TJP2: variants seen among roughly 807,000 people sequenced by gnomAD.
TJP2 encodes tight junction protein 2.
In TJP2, 91 loss-of-function variants were observed where a neutral mutation model predicts 133.1. The ratio of observed to expected loss-of-function variants is 0.68; its 90% CI spans 0.58 to 0.81. The LOEUF (loss-of-function observed/expected upper bound fraction) is 0.81, where lower values mean the gene tolerates loss of function less well. TJP2 is among the 40% of genes least tolerant of loss of function. The pLI is 0.00. For synonymous variants in TJP2, 592 were observed against 583.4 expected (o/e 1.01, Z -0.21); for missense variants, 1,541 against 1,565.6 (o/e 0.98, Z 0.26).
intron 2 of TJP2, among the ~76,000 whole-genome samples, chr9:69,155,179 A>G (rs565334115): frequency 8.9e-4 from 123 of 138,750 alleles, no homozygotes; most frequent in Non-Finnish European, 1.6e-3. Flanking sequence ...AGATCGTGCC[A>G]CTTCACTCCA....
intron 1 of TJP2, among the ~76,000 whole-genome samples, chr9:69,133,521 A>G (rs1311033598): frequency 1.4e-5 from 2 of 145,420 alleles, no homozygotes; most frequent in Non-Finnish European, 3.0e-5. Context: ...TGGTCTAAGA[A>G]TGCTTTCCTG....
chr9:69,158,827 T>C (rs902229925), intron 2 of TJP2, among the ~76,000 whole-genome samples: 3 of 152,122 alleles, frequency 2.0e-5, no homozygotes, highest in Middle Eastern at 3.2e-3. Context: ...CTGGCTGGAA[T>C]GGGGGGGTTC....
chr9:69,230,570 G>GTGTTCCC (rs1829697343), intron 11 of TJP2, among the ~76,000 whole-genome samples: 1 of 152,168 alleles, frequency 6.6e-6, no homozygotes, highest in Non-Finnish European at 1.5e-5. Flanking sequence ...TTTTTTCACT[G>GTGTTCCC]TGTTCCCCCT....
intron 1 of TJP2, among the ~76,000 whole-genome samples, chr9:69,175,660 G>T (rs997534352): frequency 1.3e-5 from 2 of 152,196 alleles, no homozygotes; most frequent in Non-Finnish European, 2.9e-5. Context: ...ACACAGTCCC[G>T]TTGGGAAAGC....
chr9:69,221,100 A>C lies in TJP2; in HGVS notation c.556A>C (p.Ser186Arg). 6.3e-7 allele frequency: 1 copy of C among 1,583,660 alleles called. No individual in the cohort carries two copies. Among genetic ancestry groups the C allele is most frequent in the Non-Finnish European group, 8.6e-7 (1 of 1,165,488 alleles). The change falls in exon 5 of 23, where the codon AGC becomes CGC. Residue 186 changes from serine to arginine, a missense_variant. Ser to Arg is a moderately radical substitution (Grantham distance 110). Transcript: ENST00000377245. ...GGGGCGTCCCCATGAGCGGGCCCGGAGCCGGGAGCGGGACCTCAGCCGGGA... is the reference window on the plus strand; with the variant it reads ...GGGGCGTCCCCATGAGCGGGCCCGGCGCCGGGAGCGGGACCTCAGCCGGGA... ...ERGRPHERARSRERDLSRDRS... is the reference protein window; with the variant it reads ...ERGRPHERARRRERDLSRDRS...
chr9:69,148,049 C>T (rs938041892), intron 1 of TJP2, among the ~76,000 whole-genome samples: 1 of 151,694 alleles, frequency 6.6e-6, no homozygotes, highest in African/African-American at 2.4e-5. Flanking sequence ...CTCAGCCTCC[C>T]GAGTAGCTTG....
rs898114161 is a variant in TJP2 at position 69,231,469 on chromosome 9, T to C, written c.1671+1237T>C. ...GTTCATATATATGAGGTTTTTTTTT[T>C]CTTGTTAATGTTAGTAAAAAATCCA... On this transcript the variant is annotated intron_variant, in intron 11 of 22. Transcript: ENST00000377245. Among the ~76,000 whole-genome samples the C allele has an allele frequency of 9.9e-5, 15 of 151,900 alleles. 1 individual carries two copies. Among genetic ancestry groups the C allele is most frequent in the Non-Finnish European group, 1.5e-5 (1 of 67,964 alleles).
chr9:69,206,498 ATCCT>A (rs1827419407), intron 1 of TJP2, among the ~76,000 whole-genome samples: 1 of 152,086 alleles, frequency 6.6e-6, no homozygotes, highest in Non-Finnish European at 1.5e-5. Flanking sequence ...TGGGTATTAG[ATCCT>A]TCACCAGGAG....
chr9:69,142,153 T>C (rs1250305178), intron 1 of TJP2, among the ~76,000 whole-genome samples: 1 of 152,220 alleles, frequency 6.6e-6, no homozygotes, highest in East Asian at 1.9e-4. Flanking sequence ...AGGGGCACTG[T>C]AGCTGGCGCT....
chr9:69,218,294 A>C lies in TJP2; in HGVS notation c.277A>C (p.Met93Leu). 6.2e-7 allele frequency: 1 copy of C among 1,614,204 alleles called. No homozygotes were observed. Among genetic ancestry groups the C allele is most frequent in the Admixed American group, 1.7e-5 (1 of 60,024 alleles). ...AGTGGTCATGGTCAATGGCACCCCC[A>C]TGGAGGATGTGCTTCATTCGTTTGC... ...DRVVMVNGTP[M>L]EDVLHSFAVQ... is the part of the protein sequence containing the mutation. Residue 93 changes from methionine to leucine, a missense_variant, in exon 4 of 23, where the codon ATG (methionine) becomes CTG (leucine). By Grantham distance (15) the Met-to-Leu change is conservative (BLOSUM62 2). Transcript: ENST00000377245.
chr9:69,163,020 A>ATTTTTTTTT (rs201502981), intron 2 of TJP2, among the ~76,000 whole-genome samples: 1 of 86,014 alleles, frequency 1.2e-5, no homozygotes, highest in African/African-American at 4.3e-5. Flanking sequence ...AAGTATCTTT[A>ATTTTTTTTT]TTTTATTTTA....
intron 2 of TJP2, among the ~76,000 whole-genome samples, chr9:69,154,317 C>T (rs978420323): frequency 2.6e-5 from 4 of 152,118 alleles, no homozygotes; most frequent in African/African-American, 2.4e-5. Flanking sequence ...ATGTTGTGAT[C>T]GATTGGCAAT....
intron 17 of TJP2, among the ~76,000 whole-genome samples, chr9:69,240,477 C>G (rs1478106822): frequency 6.6e-6 from 1 of 152,208 alleles, no homozygotes; most frequent in Non-Finnish European, 1.5e-5. Context: ...TGTCATTGTT[C>G]TCTACTCACC....
At chr9:69,132,465 G>T (rs1822538276) in intron 1 of TJP2, among the ~76,000 whole-genome samples, 1 of 152,186 alleles carries the variant, frequency 6.6e-6, no homozygotes, top group African/African-American at 2.4e-5. Flanking sequence ...TGCAGCCTCG[G>T]GGCCTGGTGC....
intron 1 of TJP2, among the ~76,000 whole-genome samples, chr9:69,198,548 C>G (rs541247628): frequency 1.3e-5 from 2 of 152,322 alleles, no homozygotes; most frequent in East Asian, 3.9e-4. Context: ...ACCTGGCACT[C>G]TTCAGTAGTA....
At chr9:69,161,813 C>T (rs1048468374) in intron 2 of TJP2, among the ~76,000 whole-genome samples, 8 of 149,884 alleles carry the variant, frequency 5.3e-5, no homozygotes, top group African/African-American at 1.7e-4. Flanking sequence ...TTTGGAAGGC[C>T]GAGGTGGGTG....
intron 17 of TJP2, among the ~76,000 whole-genome samples, chr9:69,244,001 T>C (rs1176052925): frequency 9.2e-5 from 14 of 151,746 alleles, no homozygotes; most frequent in Admixed American, 9.2e-4. Context: ...CTGGGCAACA[T>C]GATGAAACCC....
chr9:69,235,665 C>G (rs7875359), intron 12 of TJP2, among the ~76,000 whole-genome samples: 4 of 152,076 alleles, frequency 2.6e-5, no homozygotes, highest in African/African-American at 9.7e-5. Flanking sequence ...TCATTCTCTT[C>G]AGGCCCTCAA....
At chr9:69,251,479 C>A in intron 21 of TJP2, 115 bp downstream of exon 21, 2 of 1,101,062 alleles carry the variant, frequency 1.8e-6, no homozygotes, top group South Asian at 1.4e-5. Flanking sequence ...TGCACTGCAC[C>A]AAAGGCAGGT....
Sources: gnomAD v4.1 joint callset for allele counts (sites outside exome capture counted in the v4.1 genomes callset) on GRCh38, gnomAD v4.1.1 for gene constraint, MANE v1.5 for transcripts, NCBI Gene and HGNC (gene_info 2026-07-23, HGNC 2026-07-21) for gene names.